Variants in DROSHA observed in about 807,000 individuals in gnomAD.
The protein encoded by DROSHA is drosha ribonuclease III.
A neutral mutation model predicts 181.9 loss-of-function variants in DROSHA; 56 were observed. The observed-to-expected ratio is 0.31, with a 90% CI of 0.25 to 0.38. The LOEUF (loss-of-function observed/expected upper bound fraction) is 0.38. Ranked by LOEUF, DROSHA falls within the 10% of genes least tolerant of loss-of-function variation. The pLI, the probability that DROSHA is intolerant of heterozygous loss-of-function variation, is 1.00. For missense variants in DROSHA, 1,218 were observed against 1,743.5 expected (o/e 0.70, Z 5.37); for synonymous variants, 524 against 591.2 (o/e 0.89, Z 1.65).
chr5:31,497,217 T>C (rs1447129201), intron 11 of DROSHA, among the ~76,000 whole-genome samples: 1 of 28,016 alleles, frequency 3.6e-5, no homozygotes, highest in Middle Eastern at 0.036. Flanking sequence ...GCAGAGAGGA[T>C]AATGTGCCCT....
chr5:31,405,610 C>T (rs1325271741), intron 35 of DROSHA, 67 bp downstream of exon 35: 35 of 1,388,340 alleles, frequency 2.5e-5, no homozygotes, highest in Non-Finnish European at 2.0e-6. Context: ...TTTCTCCTTC[C>T]TCATTTCCTT....
At chr5:31,475,336 A>G (rs545203202) in intron 16 of DROSHA, among the ~76,000 whole-genome samples, 21 of 152,236 alleles carry the variant, frequency 1.4e-4, no homozygotes, top group African/African-American at 5.1e-4. Flanking sequence ...AAATAAAATA[A>G]TAAAAACACA....
At chr5:31,431,926 G>A (rs1348202545) in intron 25 of DROSHA, among the ~76,000 whole-genome samples, 2 of 152,122 alleles carry the variant, frequency 1.3e-5, no homozygotes. Flanking sequence ...TTCAAGTAGG[G>A]TTCAGAATTG....
intron 31 of DROSHA, among the ~76,000 whole-genome samples, chr5:31,410,055 GTTCTT>G (rs147680097): frequency 0.042 from 6,309 of 151,294 alleles, 228 homozygotes; most frequent in East Asian, 0.17. Context: ...TGAAAAAGAA[GTTCTT>G]TTAAGTTCCT....
At chr5:31,511,224 A>T (rs770811197) in intron 8 of DROSHA, 48 bp from the exon 9 acceptor site, 2 of 1,528,628 alleles carry the variant, frequency 1.3e-6, no homozygotes, top group Non-Finnish European at 1.8e-6. Context: ...AATAACGATC[A>T]TATCAAAGAT....
intron 6 of DROSHA, among the ~76,000 whole-genome samples, chr5:31,516,471 C>T (rs940604942): frequency 6.6e-6 from 1 of 152,174 alleles, no homozygotes; most frequent in African/African-American, 2.4e-5. Flanking sequence ...CTACCACTAA[C>T]TTGTAATTTT....
chr5:31,435,680 G>C, intron 25 of DROSHA, 85 bp downstream of exon 25: 1 of 1,211,950 alleles, frequency 8.3e-7, no homozygotes, highest in African/African-American at 1.5e-5. Context: ...ATCCTAACGA[G>C]TTACTTATTC....
chr5:31,502,928 C>T (rs930838701), intron 11 of DROSHA, among the ~76,000 whole-genome samples: 2 of 152,112 alleles, frequency 1.3e-5, no homozygotes, highest in African/African-American at 2.4e-5. Context: ...TAGATGGACT[C>T]CTGGTCAGAA....
In DROSHA at chr5:31,401,299, T is replaced by C. The variant is rs769842401; in HGVS notation, c.*133A>G. On this transcript the variant is annotated 3_prime_UTR_variant, in exon 36 of 36. Coordinates refer to ENST00000344624, the MANE Select transcript of DROSHA (RefSeq NM_001382508.1). ...TAAAAACAGATCATTAAAACAACAA[T>C]AGCGATTTGACTCTGTATTTTATTT... 2.0e-5 allele frequency: 24 copies of C among 1,218,558 alleles called. No homozygotes were observed. In the East Asian group the frequency reaches 2.0e-4, roughly 10 times the overall value. 75.5% of individuals were successfully genotyped at this position (1,218,558 alleles called of 1,614,324 possible).
chr5:31,416,070 A>G (rs1016755455), intron 30 of DROSHA, among the ~76,000 whole-genome samples: 3 of 152,210 alleles, frequency 2.0e-5, no homozygotes, highest in Admixed American at 1.3e-4. Flanking sequence ...AAGCCATATT[A>G]CATTTGCTCA....
intron 5 of DROSHA, among the ~76,000 whole-genome samples, chr5:31,524,364 A>T (rs1452900247): frequency 6.6e-6 from 1 of 152,226 alleles, no homozygotes; most frequent in Non-Finnish European, 1.5e-5. Flanking sequence ...CTGCAGAGCA[A>T]CAAGAACCAA....
In DROSHA at chr5:31,522,449, AAT is replaced by A. The variant is rs536206137; in HGVS notation, c.855-1236_855-1235del. ...AAAACTCTAATTAGAGGATATTTCT[AAT>A]ATATTTTTTTTTACCATATAGCCAA... On this transcript the variant is annotated intron_variant, in intron 5 of 35. Coordinates refer to ENST00000344624, the MANE Select transcript of DROSHA (RefSeq NM_001382508.1). Among the ~76,000 whole-genome samples the A allele has an allele frequency of 1.2e-3, 148 of 123,842 alleles. No individual in the cohort carries two copies. The South Asian group carries it at 0.027, about 23-fold the overall frequency. The allele number at this position is 123,842 out of a possible 152,430, so 81.2% of individuals were successfully genotyped here. A position where few individuals can be genotyped will look rare whatever the true frequency, so the allele number is the denominator to read the frequency against.
intron 13 of DROSHA, among the ~76,000 whole-genome samples, chr5:31,490,369 G>A (rs1186007087): frequency 6.6e-6 from 1 of 151,602 alleles, no homozygotes; most frequent in Non-Finnish European, 1.5e-5. Context: ...TTTTTGTAGA[G>A]ATGAGGTCCC....
At chr5:31,472,028 C>A in intron 17 of DROSHA, 35 bp downstream of exon 17, 1 of 1,544,896 alleles carries the variant, frequency 6.5e-7, no homozygotes, top group Non-Finnish European at 8.7e-7. Context: ...AAAGAAGGTC[C>A]TCCAGCCTCT....
rs1276120280 is a variant in DROSHA at position 31,526,620 on chromosome 5, G to T, written c.313C>A (p.His105Asn). The T allele has an allele frequency of 6.6e-7, 1 of 1,521,738 alleles. No individual in the cohort carries two copies. Among genetic ancestry groups the T allele is most frequent in the Admixed American group, 2.2e-5 (1 of 44,850 alleles). 94.3% of individuals were successfully genotyped at this position (1,521,738 alleles called of 1,614,324 possible). Residue 105 changes from histidine (H) to asparagine (N), a missense_variant, in exon 5 of 36, where the codon CAC (histidine) becomes AAC (asparagine). His to Asn is a moderately conservative substitution (Grantham distance 68, BLOSUM62 1). Coordinates refer to ENST00000344624, the MANE Select transcript of DROSHA (RefSeq NM_001382508.1). ...PCPIRPPFPN[H>N]QMRHPFPVPP... ...ACTGGGAAGGGGTGCCTCATCTGGT[G>T]GTTGGGGAAAGGCGGCCTGATTGGG...
At chr5:31,462,961 T>C (rs1315995607) in intron 20 of DROSHA, among the ~76,000 whole-genome samples, 1 of 152,286 alleles carries the variant, frequency 6.6e-6, no homozygotes, top group Non-Finnish European at 1.5e-5. Flanking sequence ...AACTCTGACT[T>C]ATCACTGAGA....
At chr5:31,516,335 G>C (rs978896726) in intron 6 of DROSHA, among the ~76,000 whole-genome samples, 3 of 152,206 alleles carry the variant, frequency 2.0e-5, no homozygotes, top group African/African-American at 4.8e-5. Context: ...GAGACCTTGA[G>C]AATCCAGCTA....
At chr5:31,416,700 G>T (rs1741992352) in intron 30 of DROSHA, among the ~76,000 whole-genome samples, 2 of 152,208 alleles carry the variant, frequency 1.3e-5, no homozygotes, top group South Asian at 2.1e-4. Context: ...CTGCTGGCAG[G>T]AGGAGGCCTG....
intron 23 of DROSHA, among the ~76,000 whole-genome samples, chr5:31,439,923 G>C (rs764392178): frequency 3.3e-5 from 5 of 152,142 alleles, no homozygotes; most frequent in Admixed American, 6.5e-5. Context: ...GCAGAAGCTG[G>C]CCTCACTAAC....
Sources: allele counts gnomAD v4.1 joint callset (sites outside exome capture counted in the v4.1 genomes callset), GRCh38; gene constraint gnomAD v4.1.1; transcripts MANE v1.5; gene names NCBI Gene and HGNC (gene_info 2026-07-23, HGNC 2026-07-21).